Variants in TJP2 observed in about 807,000 individuals in gnomAD.
TJP2 encodes the protein Friedreich ataxia region gene X104 (tight junction protein ZO-2).
Under a neutral mutation model 133.1 loss-of-function variants are expected in TJP2, and 91 were observed. The ratio of observed to expected loss-of-function variants is 0.68; its 90% CI spans 0.58 to 0.81. The LOEUF is 0.81. TJP2 is among the 40% of genes least tolerant of loss of function. The pLI is 0.00. For synonymous variants in TJP2, 592 were observed against 583.4 expected, an observed-to-expected ratio of 1.01 and a Z score of -0.21; for missense variants, 1,541 against 1,565.6, an observed-to-expected ratio of 0.98 and a Z score of 0.26.
intron 10 of TJP2, 39 bp from the exon 11 acceptor site, chr9:69,230,043 A>G (rs1278969562): frequency 6.2e-7 from 1 of 1,612,632 alleles, no homozygotes; most frequent in Non-Finnish European, 8.5e-7. Context: ...TTTAAAAAAT[A>G]TCTCCCATCT....
intron 2 of TJP2, 57 bp downstream of exon 2, chr9:69,212,658 G>A (rs1032406271): frequency 1.6e-5 from 23 of 1,449,528 alleles, no homozygotes; most frequent in African/African-American, 9.8e-5. Flanking sequence ...TACGGATCAT[G>A]GATCTTATTT....
intron 1 of TJP2, chr9:69,205,220 G>T (rs1200954763): frequency 1.3e-6 from 2 of 1,537,240 alleles, no homozygotes; most frequent in South Asian, 2.4e-5. Flanking sequence ...AAGTTGAGGA[G>T]ATGGAAAGGC....
chr9:69,203,607 A>T (rs866318585), intron 1 of TJP2, among the ~76,000 whole-genome samples: 139 of 67,792 alleles, frequency 2.1e-3, no homozygotes, highest in Middle Eastern at 0.014. Context: ...CCCAGCCTGG[A>T]TTTTTTTTTT....
chr9:69,221,054 C>T lies in TJP2; in HGVS notation c.510C>T (p.Ser170=), dbSNP rs1828786892. 6.2e-7 allele frequency: 1 copy of T among 1,603,122 alleles called. No individual in the cohort carries two copies. The highest frequency in any genetic ancestry group is 8.5e-7 in the Non-Finnish European group (1 of 1,175,570). The change falls in exon 5 of 23, where the codon AGC becomes AGT. Residue 170 remains serine, a synonymous_variant. Transcript: ENST00000377245. ...RLNSHGGRSR[S]WEDSPERGRP... is the part of the protein sequence containing the mutation. ...ACAGCCATGGGGGGCGCAGCCGCAG[C>T]TGGGAGGACAGCCCGGAAAGGGGGC... is the stretch of plus-strand genomic sequence containing the variant.
At chr9:69,136,747 G>A (rs1822750140) in intron 1 of TJP2, among the ~76,000 whole-genome samples, 1 of 152,150 alleles carries the variant, frequency 6.6e-6, no homozygotes, top group Non-Finnish European at 1.5e-5. Flanking sequence ...GGATGAGGAG[G>A]ACAGCGGCCC....
At chr9:69,193,611 CA>C (rs1190859642) in intron 1 of TJP2, among the ~76,000 whole-genome samples, 1 of 145,476 alleles carries the variant, frequency 6.9e-6, no homozygotes. Context: ...GTGATAATGG[CA>C]TACAAGATAG....
upstream of TJP2, among the ~76,000 whole-genome samples, chr9:69,171,463 CAA>C (rs1338659782): frequency 1.3e-5 from 2 of 152,194 alleles, no homozygotes; most frequent in East Asian, 3.9e-4. Context: ...TCTGGCACCT[CAA>C]GAGTAAGCCT....
intron 1 of TJP2, among the ~76,000 whole-genome samples, chr9:69,137,461 C>T (rs546351144): frequency 1.3e-5 from 2 of 150,600 alleles, no homozygotes; most frequent in Non-Finnish European, 3.0e-5. Flanking sequence ...CTCCCAGGCT[C>T]AAACGATCCT....
rs924760397 is a variant in TJP2 at position 69,220,985 on chromosome 9, T to C, written c.441T>C (p.Asp147=). The change falls in exon 5 of 23, where the codon GAT becomes GAC. Residue 147 remains aspartate (D), a synonymous_variant. Transcript: ENST00000377245. ...DRAFEVMDEF[D]GRSFRSGYSE... is the part of the protein sequence containing the mutation. ...CTTTTGAGGTGATGGACGAGTTTGATGGCAGAAGTTTCCGGAGTGGCTACA... is the reference window on the plus strand; with the variant it reads ...CTTTTGAGGTGATGGACGAGTTTGACGGCAGAAGTTTCCGGAGTGGCTACA... The C allele has an allele frequency of 6.2e-7, 1 of 1,612,848 alleles. No homozygotes were observed.
intron 1 of TJP2, among the ~76,000 whole-genome samples, chr9:69,196,952 C>CGTGTGTGTGTGT (rs1564425681): frequency 9.9e-4 from 148 of 149,170 alleles, no homozygotes; most frequent in African/African-American, 3.6e-3. Flanking sequence ...TGTGTACACA[C>CGTGTGTGTGTGT]ACACACACAC....
chr9:69,247,259 T>G (rs769617847), intron 18 of TJP2, among the ~76,000 whole-genome samples: 1 of 152,204 alleles, frequency 6.6e-6, no homozygotes, highest in Admixed American at 6.5e-5. Context: ...ATGGGTGATA[T>G]GAGAACGTTA....
At chr9:69,230,896 A>G (rs1295312391) in intron 11 of TJP2, among the ~76,000 whole-genome samples, 1 of 152,188 alleles carries the variant, frequency 6.6e-6, no homozygotes, top group Non-Finnish European at 1.5e-5. Flanking sequence ...TACATCTAAA[A>G]TTGTCCAAGA....
At chr9:69,172,780 C>T (rs1824759001), upstream of TJP2, among the ~76,000 whole-genome samples, 1 of 151,894 alleles carries the variant, frequency 6.6e-6, no homozygotes, top group Non-Finnish European at 1.5e-5. Flanking sequence ...ACTATGTTGC[C>T]CAGACTGGTC....
At chr9:69,199,240 A>G (rs1216433004) in intron 1 of TJP2, among the ~76,000 whole-genome samples, 1 of 152,194 alleles carries the variant, frequency 6.6e-6, no homozygotes, top group Non-Finnish European at 1.5e-5. Flanking sequence ...CAGACACAAC[A>G]TAATACCAGA....
intron 2 of TJP2, among the ~76,000 whole-genome samples, chr9:69,157,674 G>C (rs1181802395): frequency 6.6e-6 from 1 of 152,154 alleles, no homozygotes; most frequent in East Asian, 1.9e-4. Context: ...ATTTTGGCCA[G>C]GCTCTAACTC....
upstream of TJP2, among the ~76,000 whole-genome samples, chr9:69,171,864 C>T (rs189705280): frequency 8.2e-4 from 107 of 130,490 alleles, no homozygotes; most frequent in African/African-American, 2.7e-3. Context: ...GGTGCAATCT[C>T]GTCTCACTGT....
intron 18 of TJP2, among the ~76,000 whole-genome samples, chr9:69,247,670 G>C (rs766944264): frequency 9.9e-5 from 15 of 152,106 alleles, no homozygotes; most frequent in Non-Finnish European, 1.8e-4. Flanking sequence ...GCAATGTGTT[G>C]ATATTACTAG....
At chr9:69,222,565 G>T (rs1286220106) in intron 5 of TJP2, among the ~76,000 whole-genome samples, 9 of 152,172 alleles carry the variant, frequency 5.9e-5, no homozygotes, top group Non-Finnish European at 5.9e-5. Flanking sequence ...ACCTCATGAG[G>T]GAGGACTCTT....
chr9:69,249,416 G>T lies in TJP2; in HGVS notation c.2922G>T (p.Arg974Ser). The T allele has an allele frequency of 1.9e-6, 3 of 1,612,084 alleles. No individual in the cohort carries two copies. Among genetic ancestry groups the T allele is most frequent in the Non-Finnish European group, 1.7e-6 (2 of 1,179,038 alleles). Residue 974 changes from arginine (R) to serine (S), a missense_variant, in exon 20 of 23, where the codon AGG (arginine) becomes AGT (serine). Physicochemically the swap from Arg to Ser is moderately radical, Grantham distance 110. Coordinates refer to ENST00000377245, the MANE Select transcript of TJP2 (RefSeq NM_004817.4). ...KPSPEPRAQM[R>S]RAASSDQLRD... Reference sequence around the variant, plus strand: ...GCCCAGAGCCACGAGCTCAGATGAGGAGGGCTGCTAGCAGCGATCAACTTA... The same window carrying T: ...GCCCAGAGCCACGAGCTCAGATGAGTAGGGCTGCTAGCAGCGATCAACTTA...
Sources: allele counts gnomAD v4.1 joint callset (sites outside exome capture counted in the v4.1 genomes callset), GRCh38; gene constraint gnomAD v4.1.1; transcripts MANE v1.5; gene names NCBI Gene and HGNC (gene_info 2026-07-23, HGNC 2026-07-21).